The following ATXN7 variants were observed in gnomAD, a reference collection of about 807,000 sequenced individuals.
The protein encoded by ATXN7 is ataxin-7.
In ATXN7, 12 loss-of-function variants were observed where a neutral mutation model predicts 70.5. The observed-to-expected ratio is 0.17, with a 90% confidence interval of 0.11 to 0.28. The LOEUF (loss-of-function observed/expected upper bound fraction) is 0.28, where lower values mean the gene tolerates loss of function less well. Ranked by LOEUF, ATXN7 falls within the 10% of genes least tolerant of loss-of-function variation. The pLI is 1.00. For synonymous variants in ATXN7, 498 were observed against 448.7 expected (o/e 1.11, Z -1.39); for missense variants, 1,256 against 1,131.7 (o/e 1.11, Z -1.58).
chr3:63,965,216 C>T (rs2075199338), intron 5 of ATXN7, among the ~76,000 whole-genome samples: 2 of 152,158 alleles, frequency 1.3e-5, no homozygotes, highest in African/African-American at 4.8e-5. Context: ...CTAACATTTG[C>T]TGAACGTTTA....
At chr3:63,913,296 G>A in intron 4 of ATXN7, 71 bp downstream of exon 4, 1 of 1,469,788 alleles carries the variant, frequency 6.8e-7, no homozygotes, top group Non-Finnish European at 9.5e-7. Context: ...ACTGGGACCG[G>A]GAACATCAGC....
rs1466815554 is a variant in ATXN7 at position 63,995,597 on chromosome 3, G to A, written c.1775G>A (p.Ser592Asn). Reference sequence around the variant, plus strand: ...GTGCCGACATCACAATGTGGAGTCAGCTATCTGGCAGCAGCCACCGTCTCT... The same window carrying A: ...GTGCCGACATCACAATGTGGAGTCAACTATCTGGCAGCAGCCACCGTCTCT... Reference protein sequence around the residue: ...NSVPTSQCGVSYLAAATVSTS... With the variant: ...NSVPTSQCGVNYLAAATVSTS... The change falls in exon 12 of 13, where the codon AGC becomes AAC. Residue 592 changes from serine to asparagine, a missense_variant. Transcript: ENST00000674280. 3.7e-6 allele frequency: 6 copies of A among 1,614,044 alleles called. No individual in the cohort carries two copies. The highest frequency in any genetic ancestry group is 1.3e-5 in the African/African-American group (1 of 74,892).
At chr3:63,893,910 G>A (rs1475023702) in intron 1 of ATXN7, among the ~76,000 whole-genome samples, 1 of 152,198 alleles carries the variant, frequency 6.6e-6, no homozygotes, top group Non-Finnish European at 1.5e-5. Flanking sequence ...TGAAAGCAAG[G>A]TGGAACTGGG....
In ATXN7 at chr3:63,935,857, A is replaced by C. The variant is rs140010423; in HGVS notation, c.395-16522A>C. Among the ~76,000 whole-genome samples the C allele has an allele frequency of 8.7e-3, 1,328 of 152,318 alleles. 14 individuals carry two copies. Among genetic ancestry groups the C allele is most frequent in the African/African-American group, 0.029 (1,187 of 41,552 alleles). On this transcript the variant is annotated intron_variant, in intron 4 of 12. Transcript: ENST00000674280. The stretch of plus-strand genomic sequence containing the variant: ...TTGCTCATTATAAAAGTGAGTATAC[A>C]GCACAAACTAATGTCCAGATGCTGG...
intron 5 of ATXN7, among the ~76,000 whole-genome samples, chr3:63,953,328 C>T (rs891646311): frequency 6.6e-6 from 1 of 151,992 alleles, no homozygotes. Flanking sequence ...AGAATAAGAG[C>T]GTTTGATGCA....
intron 4 of ATXN7, among the ~76,000 whole-genome samples, chr3:63,940,749 A>G (rs2074746940): frequency 1.3e-5 from 2 of 152,180 alleles, no homozygotes; most frequent in Admixed American, 6.5e-5. Flanking sequence ...GAGGTTAAGT[A>G]CATTGCTGGA....
Position 63,996,182 on chromosome 3 carries a change from CCAT to C in ATXN7, c.2363_2365del (p.Ile788del). ...CCCCCCACCGGGAGCCCTGCTGAATCCATCAAGAGGATGAGTGTGATGGTGAAC... is the reference window on the plus strand; with the variant it reads ...CCCCCCACCGGGAGCCCTGCTGAATCCAAGAGGATGAGTGTGATGGTGAAC... On this transcript the variant is annotated inframe_deletion, in exon 12 of 13. Transcript: ENST00000674280. 1.2e-6 allele frequency: 2 copies of C among 1,614,186 alleles called. No homozygotes were observed. The highest frequency in any genetic ancestry group is 1.7e-6 in the Non-Finnish European group (2 of 1,180,050).
At chr3:63,952,835 CTTTTTTTT>C (rs59256288) in intron 5 of ATXN7, among the ~76,000 whole-genome samples, 2,931 of 48,548 alleles carry the variant, frequency 0.06, 50 homozygotes, top group African/African-American at 0.16. Context: ...ATGCATGGGC[CTTTTTTTT>C]TTTTTTTTTT....
intron 4 of ATXN7, among the ~76,000 whole-genome samples, chr3:63,949,746 A>T (rs1486205986): frequency 6.6e-6 from 1 of 152,108 alleles, no homozygotes; most frequent in Non-Finnish European, 1.5e-5. Context: ...TAAGTATACC[A>T]TGTTTCTTCC....
At chr3:63,924,537 G>A (rs1704640018) in intron 4 of ATXN7, among the ~76,000 whole-genome samples, 1 of 152,190 alleles carries the variant, frequency 6.6e-6, no homozygotes, top group Non-Finnish European at 1.5e-5. Context: ...ACTCTTCAGT[G>A]AGGCAGTAAG....
intron 12 of ATXN7, chr3:63,998,068 G>C (rs540021705): frequency 1.0e-6 from 1 of 985,356 alleles, no homozygotes; most frequent in East Asian, 1.1e-4. Flanking sequence ...GTCTTTGAGA[G>C]AGACATGATC....
At chr3:63,982,722 CTT>C (rs1241844460) in intron 7 of ATXN7, among the ~76,000 whole-genome samples, 1 of 151,290 alleles carries the variant, frequency 6.6e-6, no homozygotes, top group African/African-American at 2.4e-5. Flanking sequence ...TAAACAATAT[CTT>C]TTCTACCATC....
chr3:63,950,813 A>G (rs2074940986), intron 4 of ATXN7, among the ~76,000 whole-genome samples: 1 of 152,164 alleles, frequency 6.6e-6, no homozygotes, highest in Non-Finnish European at 1.5e-5. Flanking sequence ...AAGCGTAGTC[A>G]CAGAAGTCTG....
intron 1 of ATXN7, among the ~76,000 whole-genome samples, chr3:63,884,448 CTCATATAA>C (rs1267469572): frequency 1.3e-5 from 2 of 151,844 alleles, no homozygotes; most frequent in African/African-American, 4.8e-5. Context: ...TTTTTAAAGG[CTCATATAA>C]ACATATAAAC....
chr3:63,940,003 T>TGCTTGAGGTGGTAA (rs1171656857), intron 4 of ATXN7, among the ~76,000 whole-genome samples: 1 of 151,830 alleles, frequency 6.6e-6, no homozygotes. Flanking sequence ...ATGTCACAGT[T>TGCTTGAGGTGGTAA]GCTTGAGGTG....
chr3:63,984,981 A>C (rs1164848707), intron 8 of ATXN7, among the ~76,000 whole-genome samples: 2 of 152,220 alleles, frequency 1.3e-5, no homozygotes, highest in African/African-American at 4.8e-5. Context: ...TTAAGGGCTG[A>C]ATAGTATTCC....
chr3:63,955,044 C>T (rs1051121764), intron 5 of ATXN7, among the ~76,000 whole-genome samples: 5 of 152,178 alleles, frequency 3.3e-5, no homozygotes, highest in Admixed American at 2.6e-4. Flanking sequence ...TTCTGTCTTT[C>T]TCCTTTCCTG....
At chr3:63,885,980 A>C (rs115593869) in intron 1 of ATXN7, among the ~76,000 whole-genome samples, 2,143 of 152,248 alleles carry the variant, frequency 0.014, 23 homozygotes, top group Middle Eastern at 0.034. Flanking sequence ...TCACGCCACT[A>C]TACTCCAGAG....
chr3:63,977,700 T>C (rs531429957), intron 5 of ATXN7, among the ~76,000 whole-genome samples: 7 of 152,262 alleles, frequency 4.6e-5, no homozygotes, highest in Admixed American at 3.3e-4. Flanking sequence ...AGGTTGTCTT[T>C]GGCAGACGGG....
Sources: allele counts gnomAD v4.1 joint callset (sites outside exome capture counted in the v4.1 genomes callset), GRCh38; gene constraint gnomAD v4.1.1; transcripts MANE v1.5; gene names NCBI Gene and HGNC (gene_info 2026-07-23, HGNC 2026-07-21).